Variants in LRRC7 observed in about 807,000 individuals in gnomAD.
LRRC7 encodes leucine-rich repeat-containing protein 7.
In LRRC7, 23 loss-of-function variants were observed where a neutral mutation model predicts 175.7. That is an observed-to-expected ratio of 0.13 (90% CI 0.09 to 0.19). LRRC7 has a LOEUF of 0.19. Ranked by LOEUF, LRRC7 falls within the 10% of genes least tolerant of loss-of-function variation. The pLI is 1.00. For synonymous variants in LRRC7, 685 were observed against 680.9 expected, an observed-to-expected ratio of 1.01 and a Z score of -0.09; for missense variants, 1,354 against 1,904.7, an observed-to-expected ratio of 0.71 and a Z score of 5.38.
Position 70,112,941 on chromosome 1 carries a change from T to G in LRRC7, c.4620+5115T>G, listed in dbSNP as rs556565665. 2.0e-5 allele frequency among the ~76,000 whole-genome samples: 3 copies of G among 152,190 alleles called. No homozygotes were observed. In the South Asian group the frequency reaches 6.2e-4, roughly 32 times the overall value. On this transcript the variant is annotated intron_variant, in intron 26 of 26. Coordinates refer to ENST00000651989, the MANE Select transcript of LRRC7 (RefSeq NM_001370785.2). ...AGAGGAAGACCCCAGACTCGTGTGT[T>G]AGAGTCATGAAGAAAGGAAACCCTG... is the stretch of plus-strand genomic sequence containing the variant.
chr1:69,577,556 A>T (rs1019173928), intron 1 of LRRC7, among the ~76,000 whole-genome samples: 12 of 152,254 alleles, frequency 7.9e-5, no homozygotes, highest in African/African-American at 2.9e-4. Flanking sequence ...TAATTTTTGT[A>T]TAAGGTGTAA....
intron 4 of LRRC7, among the ~76,000 whole-genome samples, chr1:69,820,649 A>G (rs886770194): frequency 2.0e-5 from 3 of 152,080 alleles, no homozygotes; most frequent in Non-Finnish European, 1.5e-5. Context: ...GCTGAGAATG[A>G]TGGTTTCCAG....
chr1:69,852,412 T>C (rs1206169846), intron 7 of LRRC7, among the ~76,000 whole-genome samples: 1 of 152,132 alleles, frequency 6.6e-6, no homozygotes, highest in Non-Finnish European at 1.5e-5. Flanking sequence ...GGAACAGAAA[T>C]GAATAGGAAG....
chr1:69,609,624 G>A (rs1648378512), intron 1 of LRRC7, among the ~76,000 whole-genome samples: 1 of 152,026 alleles, frequency 6.6e-6, no homozygotes, highest in Admixed American at 6.6e-5. Context: ...ATGGTGCTCA[G>A]CTGGTACATA....
chr1:69,967,698 G>C (rs550692777), intron 8 of LRRC7, among the ~76,000 whole-genome samples: 110 of 152,264 alleles, frequency 7.2e-4, no homozygotes, highest in Middle Eastern at 3.4e-3. Flanking sequence ...ATCCAGAAGA[G>C]AGATAACAAT....
chr1:69,945,980 A>G (rs1649267766), intron 8 of LRRC7, among the ~76,000 whole-genome samples: 1 of 151,996 alleles, frequency 6.6e-6, no homozygotes, highest in Non-Finnish European at 1.5e-5. Flanking sequence ...TTTCTTGCCT[A>G]ATTTCTATGG....
intron 7 of LRRC7, among the ~76,000 whole-genome samples, chr1:69,864,247 TG>T (rs1234013787): frequency 1.3e-5 from 2 of 152,232 alleles, no homozygotes; most frequent in Non-Finnish European, 2.9e-5. Context: ...AGTTCCCTTA[TG>T]GGGACTCACA....
intron 23 of LRRC7, among the ~76,000 whole-genome samples, chr1:70,059,699 G>A (rs557817188): frequency 6.6e-6 from 1 of 151,826 alleles, no homozygotes; most frequent in Admixed American, 6.6e-5. Flanking sequence ...ACATTTCAAT[G>A]CTTCTTTCTA....
chr1:70,036,981 AG>A (rs949152428), intron 20 of LRRC7, among the ~76,000 whole-genome samples: 1 of 152,254 alleles, frequency 6.6e-6, no homozygotes, highest in Non-Finnish European at 1.5e-5. Flanking sequence ...TAAAACACTT[AG>A]GTGTCTGGTC....
At position 70,142,422 on chromosome 1, in the gene LRRC7, C is replaced by CTATT. The variant is rs1667098699; in HGVS notation, c.*20537_*20540dup. ...CACTTTCATCCTTGAAAACACAAGC[C>CTATT]TATTTTCTGTTTGAAATGAAGAGAA... On this transcript the variant is annotated 3_prime_UTR_variant, in exon 27 of 27. Transcript: ENST00000651989. 1 of 152,062 alleles carries CTATT rather than the reference C, an allele frequency of 6.6e-6. No homozygotes were observed. The allele number at this position is 152,062 out of a possible 1,614,324, so 9.4% of individuals were successfully genotyped here.
intron 23 of LRRC7, among the ~76,000 whole-genome samples, chr1:70,062,194 C>T (rs1316030254): frequency 6.6e-6 from 1 of 152,072 alleles, no homozygotes; most frequent in Non-Finnish European, 1.5e-5. Context: ...CCCTACTAAA[C>T]TTGTTTTGGT....
intron 7 of LRRC7, among the ~76,000 whole-genome samples, chr1:69,864,520 A>C (rs1284769287): frequency 6.6e-6 from 1 of 152,248 alleles, no homozygotes; most frequent in Non-Finnish European, 1.5e-5. Flanking sequence ...TGTGACAGTC[A>C]GCACTCAGTA....
chr1:69,770,288 G>A (rs937269887), intron 3 of LRRC7, among the ~76,000 whole-genome samples: 4 of 152,094 alleles, frequency 2.6e-5, no homozygotes, highest in Non-Finnish European at 1.5e-5. Context: ...GCTTTCAATC[G>A]ATGCTTCGTT....
At chr1:69,708,950 C>T (rs1456192658) in intron 2 of LRRC7, among the ~76,000 whole-genome samples, 1 of 152,182 alleles carries the variant, frequency 6.6e-6, no homozygotes, top group Non-Finnish European at 1.5e-5. Flanking sequence ...ACCAACATCA[C>T]TGGTATATTC....
rs72936588 is a variant in LRRC7, at chr1:69,643,278, C to T, written c.3-35103C>T. Among the ~76,000 whole-genome samples the T allele has an allele frequency of 6.5e-3, 988 of 152,116 alleles. 5 individuals carry two copies. The highest frequency in any genetic ancestry group is 0.023 in the African/African-American group (936 of 41,528). ...AAATACTAATCTTTTCAGGAAATAC[C>T]CACACAAACACACAGAGAAATAATG... On this transcript the variant is annotated intron_variant, in intron 1 of 26. Transcript: ENST00000651989.
intron 4 of LRRC7, among the ~76,000 whole-genome samples, chr1:69,804,204 T>C (rs899616664): frequency 6.6e-6 from 1 of 151,434 alleles, no homozygotes; most frequent in African/African-American, 2.4e-5. Context: ...GCCTTTCACA[T>C]TGTGGCCAAG....
At chr1:69,839,837 G>A (rs928821052) in intron 7 of LRRC7, among the ~76,000 whole-genome samples, 1 of 152,002 alleles carries the variant, frequency 6.6e-6, no homozygotes, top group Admixed American at 6.6e-5. Context: ...ACCTGATATA[G>A]ATTGATAATA....
intron 10 of LRRC7, among the ~76,000 whole-genome samples, chr1:69,987,370 AATC>A (rs1371493642): frequency 2.6e-5 from 4 of 152,238 alleles, no homozygotes; most frequent in Non-Finnish European, 4.4e-5. Context: ...CGAAAAGGGT[AATC>A]ATTAAATTAC....
chr1:69,571,866 T>C (rs1341704305), intron 1 of LRRC7, among the ~76,000 whole-genome samples: 1 of 152,176 alleles, frequency 6.6e-6, no homozygotes, highest in Non-Finnish European at 1.5e-5. Context: ...ACATTTTCTT[T>C]CTTCACACAA....
Sources: gnomAD v4.1 joint callset for allele counts (sites outside exome capture counted in the v4.1 genomes callset) on GRCh38, gnomAD v4.1.1 for gene constraint, MANE v1.5 for transcripts, NCBI Gene and HGNC (gene_info 2026-07-23, HGNC 2026-07-21) for gene names.